The following CASP8 variants were observed in gnomAD, a reference collection of about 807,000 sequenced individuals.
CASP8 encodes the protein caspase-8.
Under a neutral mutation model 46.3 loss-of-function variants are expected in CASP8, and 24 were observed. That is an observed-to-expected ratio of 0.52 (90% CI 0.38 to 0.73). The LOEUF (loss-of-function observed/expected upper bound fraction) is 0.73. Ranked by LOEUF, CASP8 falls within the 30% of genes least tolerant of loss-of-function variation. The pLI, the probability that CASP8 is intolerant of heterozygous loss-of-function variation, is 0.00. For synonymous variants in CASP8, 188 were observed against 200.4 expected (o/e 0.94, Z 0.52); for missense variants, 460 against 559.0 (o/e 0.82, Z 1.79).
At chr2:201,239,262 C>T (rs1292143909) in intron 2 of CASP8, among the ~76,000 whole-genome samples, 6 of 152,172 alleles carry the variant, frequency 3.9e-5, no homozygotes, top group African/African-American at 7.2e-5. Context: ...CATCATGGCC[C>T]GTTCTCAATG....
chr2:201,275,226 C>T (rs894594475), intron 6 of CASP8, among the ~76,000 whole-genome samples: 1 of 152,020 alleles, frequency 6.6e-6, no homozygotes, highest in Admixed American at 6.6e-5. Context: ...GGGTAATAAG[C>T]CTCCTACCAA....
chr2:201,271,042 G>A (rs746067137), intron 2 of CASP8, among the ~76,000 whole-genome samples: 2 of 152,074 alleles, frequency 1.3e-5, no homozygotes, highest in African/African-American at 4.8e-5. Context: ...TCGTGTTTGC[G>A]GTCTGGTCTG....
In CASP8 at chr2:201,247,929, C is replaced by T. The variant is rs932371198; in HGVS notation, c.-27+13817C>T. Among the ~76,000 whole-genome samples the T allele has an allele frequency of 1.8e-4, 27 of 152,172 alleles. 1 individual carries two copies. The highest frequency in any genetic ancestry group is 1.6e-3 in the Admixed American group (24 of 15,276). On this transcript the variant is annotated intron_variant, in intron 2 of 6. Coordinates refer to the CASP8 transcript ENST00000264274. ...AAAGTGCTGGGATTACAGGCGTGAGCCACTGCGCCCGGCCAACTTTTGTAT... is the reference window on the plus strand; with the variant it reads ...AAAGTGCTGGGATTACAGGCGTGAGTCACTGCGCCCGGCCAACTTTTGTAT...
intron 1 of CASP8, among the ~76,000 whole-genome samples, chr2:201,263,382 T>C (rs941683693): frequency 1.3e-5 from 2 of 152,188 alleles, no homozygotes; most frequent in African/African-American, 4.8e-5. Context: ...AAACCCATGC[T>C]GTAGAAGAAA....
chr2:201,284,834 T>C lies in CASP8; in HGVS notation c.821T>C (p.Phe274Ser), dbSNP rs1408090672. Residue 274 changes from phenylalanine (F) to serine (S), a missense_variant, in exon 8 of 9, where the codon TTT becomes TCT. Coordinates refer to ENST00000673742, the MANE Select transcript of CASP8 (RefSeq NM_001372051.1). ...HLDAGALTTTFEELHFEIKPH... is the reference protein window; with the variant it reads ...HLDAGALTTTSEELHFEIKPH... ...TTTTCAGGGGCTTTGACCACGACCT[T>C]TGAAGAGCTTCATTTTGAGATCAAG... 6 of 1,614,180 alleles carry C rather than the reference T, an allele frequency of 3.7e-6. No individual in the cohort carries two copies. The highest frequency in any genetic ancestry group is 5.1e-6 in the Non-Finnish European group (6 of 1,180,038).
At chr2:201,264,187 T>C (rs1046897869) in intron 1 of CASP8, among the ~76,000 whole-genome samples, 3 of 152,228 alleles carry the variant, frequency 2.0e-5, no homozygotes, top group African/African-American at 7.2e-5. Flanking sequence ...TGCCTAAATC[T>C]TCTAATGCTG....
At chr2:201,257,986 G>C (rs1947106791), upstream of CASP8, 4 of 497,892 alleles carry the variant, frequency 8.0e-6, no homozygotes, top group South Asian at 8.2e-5. Flanking sequence ...CTGAATGGTT[G>C]GAAATTGGGC....
At chr2:201,246,873 T>C (rs973187034) in intron 2 of CASP8, among the ~76,000 whole-genome samples, 1 of 150,808 alleles carries the variant, frequency 6.6e-6, no homozygotes, top group African/African-American at 2.4e-5. Flanking sequence ...GGAGCTGCAA[T>C]TGCCCTTGGG....
At chr2:201,257,910 A>G, upstream of CASP8, 1 of 383,370 alleles carries the variant, frequency 2.6e-6, no homozygotes, top group Non-Finnish European at 5.0e-6. Context: ...AATGCTTTCC[A>G]ATAAAGCATG....
intron 2 of CASP8, among the ~76,000 whole-genome samples, chr2:201,252,429 C>T (rs1946828508): frequency 6.6e-6 from 1 of 152,132 alleles, no homozygotes; most frequent in Admixed American, 6.5e-5. Context: ...GTGTGTGCCA[C>T]CATGCCCAGC....
intron 2 of CASP8, chr2:201,269,662 A>G (rs1948106756): frequency 8.3e-7 from 1 of 1,209,688 alleles, no homozygotes; most frequent in Non-Finnish European, 1.2e-6. Context: ...GGGTCCGGGC[A>G]ATCCTGACTT....
At chr2:201,282,090 G>C (rs1196756264) in intron 7 of CASP8, among the ~76,000 whole-genome samples, 1 of 67,732 alleles carries the variant, frequency 1.5e-5, no homozygotes, top group Admixed American at 1.2e-4. Flanking sequence ...GCGGCCTTCC[G>C]CAGTGTTTGT....
intron 2 of CASP8, among the ~76,000 whole-genome samples, chr2:201,239,241 A>G (rs1576186953): frequency 6.6e-6 from 1 of 151,864 alleles, no homozygotes; most frequent in South Asian, 2.1e-4. Context: ...GTTCCACAAA[A>G]CCGCCATTGT....
intron 8 of CASP8, among the ~76,000 whole-genome samples, chr2:201,285,960 C>T (rs183930617): frequency 1.5e-4 from 23 of 152,308 alleles, no homozygotes; most frequent in Middle Eastern, 3.4e-3. Context: ...AAGGTTTCCG[C>T]GGCTAGCTAC....
chr2:201,249,647 C>G (rs765913886), intron 2 of CASP8, among the ~76,000 whole-genome samples: 2 of 152,140 alleles, frequency 1.3e-5, no homozygotes, highest in Non-Finnish European at 2.9e-5. Context: ...ATCGCTTGAG[C>G]GCGGGAGGCG....
chr2:201,253,173 T>A (rs1456006329), intron 2 of CASP8, among the ~76,000 whole-genome samples: 4 of 151,890 alleles, frequency 2.6e-5, no homozygotes, highest in Non-Finnish European at 2.9e-5. Context: ...TTTTTTTGAT[T>A]TTTGGTAAAG....
chr2:201,265,379 G>GA (rs58885732), intron 1 of CASP8, among the ~76,000 whole-genome samples: 26,618 of 144,368 alleles, frequency 0.18, 3,927 homozygotes, highest in South Asian at 0.43. Flanking sequence ...GGTCTCAAAA[G>GA]AAAAAAAAAA....
chr2:201,266,672 G>A lies in CASP8; in HGVS notation c.186G>A (p.Leu62=), dbSNP rs754737474. 6.2e-7 allele frequency: 1 copy of A among 1,614,064 alleles called. No homozygotes were observed. The highest frequency in any genetic ancestry group is 1.1e-5 in the South Asian group (1 of 91,070). Residue 62 remains leucine (L), a synonymous_variant, in exon 2 of 9, where the codon CTG becomes CTA. Transcript: ENST00000673742. This position sits in a 1 kb window ranked among gnomAD's most constrained non-coding sequence, Gnocchi z 5.7. Reference sequence around the variant, plus strand: ...TGGAGGAAAGCAATCTGTCCTTCCTGAAGGAGCTGCTCTTCCGAATTAATA... The same window carrying A: ...TGGAGGAAAGCAATCTGTCCTTCCTAAAGGAGCTGCTCTTCCGAATTAATA... ...RMLEESNLSF[L]KELLFRINRL...
At chr2:201,259,921 ATTTCAGAGTTTTTTCT>A (rs1947268653), upstream of CASP8, among the ~76,000 whole-genome samples, 1 of 137,210 alleles carries the variant, frequency 7.3e-6, no homozygotes. Context: ...GAATTTTTTT[ATTTCAGAGTTTTTTCT>A]TTTTAGAGGT....
Sources: allele counts gnomAD v4.1 joint callset (sites outside exome capture counted in the v4.1 genomes callset), GRCh38; gene constraint gnomAD v4.1.1; non-coding constraint Gnocchi (gnomAD v3.1); transcripts MANE v1.5; gene names NCBI Gene and HGNC (gene_info 2026-07-23, HGNC 2026-07-21).